CYSLTR2: variants seen among roughly 807,000 people sequenced by gnomAD.
CYSLTR2 encodes cysteinyl leukotriene receptor 2.
For missense variants in CYSLTR2, 398 were observed against 411.9 expected (o/e 0.97, Z 0.29); for synonymous variants, 179 against 160.8 (o/e 1.11, Z -0.86).
At chr13:48,654,712 T>C (rs762863170) in intron 1 of CYSLTR2, among the ~76,000 whole-genome samples, 10 of 152,178 alleles carry the variant, frequency 6.6e-5, no homozygotes, top group Admixed American at 2.0e-4. Flanking sequence ...AATCAGTGTT[T>C]CTCAACCCTG....
In CYSLTR2 at chr13:48,673,433, C is replaced by CTTTTTTTTTTTTTTTTT. The variant is rs61699943; in HGVS notation, c.-265-17770_-265-17754dup. ...TCAGAGACTAGGATTGTAACCCCGGCTTTTTTTTTTTTTTTTTTTTTTTTT... is the reference window on the plus strand; with the variant it reads ...TCAGAGACTAGGATTGTAACCCCGGCTTTTTTTTTTTTTTTTTTTTTTTTTTTTTTTTTTTTTTTTTT... On this transcript the variant is annotated intron_variant, in intron 1 of 4. Coordinates refer to ENST00000682523, the MANE Select transcript of CYSLTR2 (RefSeq NM_001308476.3). Among the ~76,000 whole-genome samples, 260 of 48,362 alleles carry CTTTTTTTTTTTTTTTTT rather than the reference C, an allele frequency of 5.4e-3. 3 individuals are homozygous for CTTTTTTTTTTTTTTTTT. The highest frequency in any genetic ancestry group is 6.7e-3 in the Non-Finnish European group (184 of 27,294). 31.7% of individuals were successfully genotyped at this position (48,362 alleles called of 152,430 possible). A position where few individuals can be genotyped will look rare whatever the true frequency, so the allele number is the denominator to read the frequency against.
chr13:48,669,440 C>G, intron 1 of CYSLTR2, among the ~76,000 whole-genome samples: 1 of 152,078 alleles, frequency 6.6e-6, no homozygotes, highest in Non-Finnish European at 1.5e-5. Flanking sequence ...CTCCCACCCC[C>G]TGAAAGGCCC....
intron 1 of CYSLTR2, among the ~76,000 whole-genome samples, chr13:48,675,096 G>A (rs565733634): frequency 1.1e-4 from 17 of 152,276 alleles, no homozygotes; most frequent in Admixed American, 6.5e-4. Context: ...CAGGGGGCAT[G>A]GGGTTTAAGG....
At chr13:48,672,616 CTTTTTTTTTTT>C (rs71076039) in intron 1 of CYSLTR2, among the ~76,000 whole-genome samples, 8 of 120,132 alleles carry the variant, frequency 6.7e-5, no homozygotes, top group Non-Finnish European at 1.4e-4. Flanking sequence ...CTTTTCTTTT[CTTTTTTTTTTT>C]TTTTTTTTGA....
At chr13:48,677,627 T>A (rs1276946671) in intron 1 of CYSLTR2, among the ~76,000 whole-genome samples, 1 of 152,110 alleles carries the variant, frequency 6.6e-6, no homozygotes, top group African/African-American at 2.4e-5. Flanking sequence ...ATGAGAAAGA[T>A]GCACTGAGAG....
chr13:48,677,944 C>T (rs892797791), intron 1 of CYSLTR2, among the ~76,000 whole-genome samples: 5 of 150,574 alleles, frequency 3.3e-5, no homozygotes, highest in African/African-American at 1.2e-4. Flanking sequence ...TCTTGGCTCA[C>T]TGCTGCAACC....
chr13:48,664,433 T>C (rs1158113622), intron 1 of CYSLTR2, among the ~76,000 whole-genome samples: 2 of 152,042 alleles, frequency 1.3e-5, no homozygotes, highest in African/African-American at 4.8e-5. Context: ...AAAGATTCAG[T>C]AAAATTCATC....
intron 2 of CYSLTR2, 89 bp from the exon 3 acceptor site, chr13:48,693,349 T>C (rs1954084339): frequency 6.6e-6 from 1 of 152,084 alleles, no homozygotes. Flanking sequence ...TCTTTTCTCT[T>C]AATTATAATA....
At chr13:48,663,108 C>A (rs1457346853) in intron 1 of CYSLTR2, among the ~76,000 whole-genome samples, 1 of 152,042 alleles carries the variant, frequency 6.6e-6, no homozygotes, top group Non-Finnish European at 1.5e-5. Context: ...CTGTCTTTTC[C>A]CCAATGAGTA....
rs551821896 is a variant in CYSLTR2 at position 48,654,280 on chromosome 13, T to A, written c.-266+263T>A. On this transcript the variant is annotated intron_variant, in intron 1 of 4. Coordinates refer to ENST00000682523, the MANE Select transcript of CYSLTR2 (RefSeq NM_001308476.3). Reference sequence around the variant, plus strand: ...GTGTGTGTGTGTGTGTGTGTGTGTGTGTGTGTGTGTGTGTGTGTGTGTGTG... The same window carrying A: ...GTGTGTGTGTGTGTGTGTGTGTGTGAGTGTGTGTGTGTGTGTGTGTGTGTG... 6.4e-3 allele frequency among the ~76,000 whole-genome samples: 727 copies of A among 114,376 alleles called. 3 individuals carry two copies. Among genetic ancestry groups the A allele is most frequent in the Middle Eastern group, 0.015 (4 of 264 alleles). 75.0% of individuals were successfully genotyped at this position (114,376 alleles called of 152,430 possible).
At chr13:48,682,717 G>A (rs1033077527) in intron 1 of CYSLTR2, among the ~76,000 whole-genome samples, 1 of 152,182 alleles carries the variant, frequency 6.6e-6, no homozygotes, top group Admixed American at 6.5e-5. Flanking sequence ...AACTAATAGG[G>A]AACTAATTTT....
chr13:48,675,083 A>T (rs756952046), intron 1 of CYSLTR2, among the ~76,000 whole-genome samples: 14 of 152,174 alleles, frequency 9.2e-5, no homozygotes, highest in Non-Finnish European at 1.6e-4. Flanking sequence ...AGTGTCTCCC[A>T]GTCAGGGGGC....
chr13:48,687,754 G>A (rs1181868338), intron 1 of CYSLTR2, among the ~76,000 whole-genome samples: 1 of 151,936 alleles, frequency 6.6e-6, no homozygotes, highest in Non-Finnish European at 1.5e-5. Flanking sequence ...TGGAGGGGTG[G>A]TAGTTTTAAA....
chr13:48,681,491 C>G (rs1161205858), intron 1 of CYSLTR2, among the ~76,000 whole-genome samples: 1 of 152,170 alleles, frequency 6.6e-6, no homozygotes, highest in East Asian at 1.9e-4. Flanking sequence ...TTGCTTCTTA[C>G]AGATGGACTT....
chr13:48,709,936 T>C lies in CYSLTR2; in HGVS notation c.*2078T>C, dbSNP rs1954596535. 1 of 152,198 alleles carries C rather than the reference T, an allele frequency of 6.6e-6. No homozygotes were observed. The allele number at this position is 152,198 out of a possible 1,614,324, so 9.4% of individuals were successfully genotyped here. ...GAAAAAGAAGAAATTAATTGATTCA[T>C]ACACATTGAGAGGGATTTAGATTTC... On this transcript the variant is annotated 3_prime_UTR_variant, in exon 5 of 5. Transcript: ENST00000682523.
chr13:48,673,002 G>A (rs1313664246), intron 1 of CYSLTR2, among the ~76,000 whole-genome samples: 1 of 152,188 alleles, frequency 6.6e-6, no homozygotes, highest in Admixed American at 6.5e-5. Flanking sequence ...TTTTGCATTT[G>A]CTGAGGAGTG....
chr13:48,681,243 G>A (rs901781543), intron 1 of CYSLTR2, among the ~76,000 whole-genome samples: 8 of 152,260 alleles, frequency 5.3e-5, no homozygotes, highest in Middle Eastern at 3.4e-3. Flanking sequence ...TGCCCTTGGC[G>A]TTGCTCTGAT....
At chr13:48,659,927 C>G (rs1349651021) in intron 1 of CYSLTR2, among the ~76,000 whole-genome samples, 2 of 151,990 alleles carry the variant, frequency 1.3e-5, no homozygotes, top group Non-Finnish European at 2.9e-5. Flanking sequence ...TTATATTAAC[C>G]AAGGAGAGCT....
intron 1 of CYSLTR2, among the ~76,000 whole-genome samples, chr13:48,682,299 A>G (rs1209961990): frequency 2.0e-5 from 3 of 152,066 alleles, no homozygotes; most frequent in African/African-American, 7.3e-5. Context: ...CTGCCAACTG[A>G]TAGAAAGTAT....
Sources: gnomAD v4.1 joint callset for allele counts (sites outside exome capture counted in the v4.1 genomes callset) on GRCh38, gnomAD v4.1.1 for gene constraint, MANE v1.5 for transcripts, NCBI Gene and HGNC (gene_info 2026-07-23, HGNC 2026-07-21) for gene names.